The following PSD3 variants were observed in gnomAD, a reference collection of about 807,000 sequenced individuals.
The protein encoded by PSD3 is pleckstrin and Sec7 domain containing 3, also known as PH and SEC7 domain-containing protein 3.
A neutral mutation model predicts 105.5 loss-of-function variants in PSD3; 49 were observed. The ratio of observed to expected loss-of-function variants is 0.46; its 90% CI spans 0.37 to 0.59. PSD3 has a LOEUF of 0.59. Among genes scored for constraint, PSD3 ranks in the 20% least tolerant of loss-of-function variants. The pLI is 0.00. For synonymous variants in PSD3, 557 were observed against 457.8 expected (o/e 1.22, Z -2.77); for missense variants, 1,561 against 1,263.8 (o/e 1.24, Z -3.57).
At chr8:18,743,648 C>G (rs1804751378) in intron 9 of PSD3, among the ~76,000 whole-genome samples, 1 of 151,402 alleles carries the variant, frequency 6.6e-6, no homozygotes, top group African/African-American at 2.4e-5. Context: ...ATACTTTATG[C>G]AAAATAAATT....
At chr8:18,803,587 A>T (rs1436422995) in intron 6 of PSD3, among the ~76,000 whole-genome samples, 1 of 152,124 alleles carries the variant, frequency 6.6e-6, no homozygotes, top group Non-Finnish European at 1.5e-5. Flanking sequence ...TATTCCCCAT[A>T]ATGGGGTATT....
At chr8:19,060,993 AGCCACAAAACACAGTGGG>A (rs1286018499) in intron 1 of PSD3, among the ~76,000 whole-genome samples, 2 of 152,154 alleles carry the variant, frequency 1.3e-5, no homozygotes, top group Non-Finnish European at 2.9e-5. Context: ...TCTTTCAGCC[AGCCACAAAACACAGTGGG>A]GCACATTCAT....
chr8:18,818,636 A>G (rs1812423263), intron 4 of PSD3, among the ~76,000 whole-genome samples: 1 of 152,076 alleles, frequency 6.6e-6, no homozygotes, highest in Non-Finnish European at 1.5e-5. Context: ...ACTGAGAATT[A>G]AAGAGACCCA....
At chr8:18,779,601 G>C (rs925927170) in intron 8 of PSD3, among the ~76,000 whole-genome samples, 3 of 151,930 alleles carry the variant, frequency 2.0e-5, no homozygotes, top group African/African-American at 7.3e-5. Flanking sequence ...CTTTTATCAT[G>C]GCTTTTGCTG....
chr8:18,752,807 T>C (rs1805720516), intron 9 of PSD3, among the ~76,000 whole-genome samples: 1 of 148,514 alleles, frequency 6.7e-6, no homozygotes, highest in African/African-American at 2.5e-5. Flanking sequence ...TTGCCTTTCA[T>C]TGCTGTTTTT....
chr8:19,083,584 C>A (rs1280062839), intron 1 of PSD3, among the ~76,000 whole-genome samples: 3 of 152,136 alleles, frequency 2.0e-5, no homozygotes, highest in Non-Finnish European at 4.4e-5. Flanking sequence ...TACATGAGAG[C>A]CCTAGAAAGT....
At chr8:18,871,484 T>G in intron 3 of PSD3, 142 bp downstream of exon 3, 1 of 1,082,042 alleles carries the variant, frequency 9.2e-7, no homozygotes, top group Admixed American at 2.7e-5. Context: ...TAGAAGGACC[T>G]AGCTCACAGT....
chr8:18,661,505 G>A (rs1585538059), intron 9 of PSD3, among the ~76,000 whole-genome samples: 2 of 152,132 alleles, frequency 1.3e-5, no homozygotes, highest in African/African-American at 4.8e-5. Context: ...AAAATACTTT[G>A]CAATGGTCTT....
intron 11 of PSD3, among the ~76,000 whole-genome samples, chr8:18,608,301 C>T (rs1377266676): frequency 6.6e-6 from 1 of 152,174 alleles, no homozygotes; most frequent in African/African-American, 2.4e-5. Context: ...ATTGAAGGGA[C>T]ATCCACAGTA....
At chr8:18,556,096 C>G (rs1801052858) in intron 15 of PSD3, 113 bp downstream of exon 15, 1 of 1,299,292 alleles carries the variant, frequency 7.7e-7, no homozygotes, top group Non-Finnish European at 1.0e-6. Flanking sequence ...CAAATTAGAG[C>G]CAGGGGCAAG....
chr8:18,545,059 A>G (rs1009261162), intron 15 of PSD3, among the ~76,000 whole-genome samples: 1 of 152,236 alleles, frequency 6.6e-6, no homozygotes, highest in African/African-American at 2.4e-5. Context: ...GTTGTTAAGA[A>G]GAGTATGCAA....
At chr8:19,057,209 T>A (rs1056738909) in intron 1 of PSD3, among the ~76,000 whole-genome samples, 4 of 152,196 alleles carry the variant, frequency 2.6e-5, no homozygotes, top group Non-Finnish European at 4.4e-5. Context: ...TCTACTCTTG[T>A]TCATAATCAA....
chr8:18,872,264 T>C lies in PSD3; in HGVS notation c.600A>G (p.Ser200=), dbSNP rs750586500. 4.3e-6 allele frequency: 7 copies of C among 1,614,124 alleles called. No homozygotes were observed. The highest frequency in any genetic ancestry group is 2.7e-5 in the African/African-American group (2 of 74,948). ...GQKNLPEIPL[S]AEVTTEESFY... ...AACTTTCCTCCGTTGTTACTTCAGC[T>C]GAAAGAGGTATTTCTGGTAAATTTT... The change falls in exon 3 of 16, where the codon TCA becomes TCG. Residue 200 remains serine (S), a synonymous_variant. Coordinates refer to ENST00000327040, the MANE Select transcript of PSD3 (RefSeq NM_015310.4).
At chr8:19,016,089 A>G (rs1827170434), upstream of PSD3, among the ~76,000 whole-genome samples, 1 of 152,204 alleles carries the variant, frequency 6.6e-6, no homozygotes, top group African/African-American at 2.4e-5. Flanking sequence ...GCCAGCATGT[A>G]TTTTGTGTGT....
intron 1 of PSD3, among the ~76,000 whole-genome samples, chr8:19,059,819 G>A (rs1828836126): frequency 6.6e-6 from 1 of 152,192 alleles, no homozygotes; most frequent in African/African-American, 2.4e-5. Flanking sequence ...CAACCTGCCA[G>A]GGTGCCCTTC....
At chr8:18,579,062 T>C (rs1049294797) in intron 12 of PSD3, among the ~76,000 whole-genome samples, 2 of 150,024 alleles carry the variant, frequency 1.3e-5, no homozygotes, top group African/African-American at 2.5e-5. Context: ...ATTTTCAGCA[T>C]TCTGAATTCC....
chr8:18,954,211 GA>G (rs1349495327), intron 1 of PSD3, among the ~76,000 whole-genome samples: 2 of 151,854 alleles, frequency 1.3e-5, no homozygotes, highest in African/African-American at 2.4e-5. Flanking sequence ...AACATGCATA[GA>G]AAAAAATCTG....
chr8:19,073,957 A>AT lies in PSD3; in HGVS notation c.324+10248dup, dbSNP rs538294638. Among the ~76,000 whole-genome samples, 269 of 151,758 alleles carry AT rather than the reference A, an allele frequency of 1.8e-3. 1 individual carries two copies. Among genetic ancestry groups the AT allele is most frequent in the African/African-American group, 6.1e-3 (254 of 41,392 alleles). On this transcript the variant is annotated intron_variant, in intron 1 of 1. Coordinates refer to the PSD3 transcript ENST00000521475. ...AGGCGCCTGCCACCACGCCTGGCTAATTTTTTGTATTTTTAGTAGAGACGA... is the reference window on the plus strand; with the variant it reads ...AGGCGCCTGCCACCACGCCTGGCTAATTTTTTTGTATTTTTAGTAGAGACGA...
intron 9 of PSD3, among the ~76,000 whole-genome samples, chr8:18,737,232 T>G (rs1028805900): frequency 5.9e-5 from 9 of 152,208 alleles, no homozygotes; most frequent in Non-Finnish European, 1.2e-4. Context: ...TGAGAAACAC[T>G]GCATTAGTTC....
Sources: gnomAD v4.1 joint callset for allele counts (sites outside exome capture counted in the v4.1 genomes callset) on GRCh38, gnomAD v4.1.1 for gene constraint, MANE v1.5 for transcripts, NCBI Gene and HGNC (gene_info 2026-07-23, HGNC 2026-07-21) for gene names.